Variants in PIK3CB observed in about 807,000 individuals in gnomAD.
The protein encoded by PIK3CB is phosphatidylinositol 4,5-bisphosphate 3-kinase catalytic subunit beta isoform.
A neutral mutation model predicts 136.8 loss-of-function variants in PIK3CB; 39 were observed. The ratio of observed to expected loss-of-function variants is 0.29; its 90% confidence interval spans 0.22 to 0.37. The LOEUF is 0.37. Among genes scored for constraint, PIK3CB ranks in the 10% least tolerant of loss-of-function variants. The probability of loss-of-function intolerance (pLI) is 1.00; values close to 1 mark genes in which losing one functional copy is unlikely to be tolerated. For synonymous variants in PIK3CB, 428 were observed against 436.6 expected, an observed-to-expected ratio of 0.98 and a Z score of 0.25; for missense variants, 868 against 1,275.4, an observed-to-expected ratio of 0.68 and a Z score of 4.87.
At chr3:138,821,373 G>A (rs185402427) in intron 1 of PIK3CB, among the ~76,000 whole-genome samples, 5 of 152,206 alleles carry the variant, frequency 3.3e-5, no homozygotes, top group Admixed American at 1.3e-4. Flanking sequence ...GGGAGGCTGC[G>A]GCGGGTGGCT....
chr3:138,738,886 C>T (rs1019803397), intron 5 of PIK3CB, among the ~76,000 whole-genome samples: 3 of 152,178 alleles, frequency 2.0e-5, no homozygotes, highest in South Asian at 2.1e-4. Flanking sequence ...TTAAATAAAT[C>T]ACTCCCCTGA....
At chr3:138,787,734 TA>T (rs1337583376) in intron 2 of PIK3CB, among the ~76,000 whole-genome samples, 1 of 150,170 alleles carries the variant, frequency 6.7e-6, no homozygotes. Flanking sequence ...TTTTTTTTTT[TA>T]AAGAAAGAAA....
intron 19 of PIK3CB, 49 bp from the exon 20 acceptor site, chr3:138,665,252 C>T: frequency 7.4e-7 from 1 of 1,357,606 alleles, no homozygotes; most frequent in Non-Finnish European, 9.9e-7. Context: ...TAAAATGAAA[C>T]ATTAATTTGG....
chr3:138,683,666 C>T lies in PIK3CB; in HGVS notation c.2425+12G>A, dbSNP rs1371674943. ...TTCTAAGAAATTTGATGTTAAAAAT[C>T]TCAGTACTTACCATCACCATTTTTA... On this transcript the variant is annotated intron_variant, in intron 18 of 23. Coordinates refer to ENST00000674063, the MANE Select transcript of PIK3CB (RefSeq NM_006219.3). 1 of 1,287,384 alleles carries T rather than the reference C, an allele frequency of 7.8e-7. No homozygotes were observed. The allele number at this position is 1,287,384 out of a possible 1,614,324, so 79.7% of individuals were successfully genotyped here. A position where few individuals can be genotyped will look rare whatever the true frequency, so the allele number is the denominator to read the frequency against.
At chr3:138,733,058 C>G (rs1329379555) in intron 8 of PIK3CB, among the ~76,000 whole-genome samples, 1 of 150,500 alleles carries the variant, frequency 6.6e-6, no homozygotes, top group Non-Finnish European at 1.5e-5. Flanking sequence ...CACAGTCTTA[C>G]CCATCTATAT....
chr3:138,694,334 C>A (rs538609828), intron 14 of PIK3CB, among the ~76,000 whole-genome samples: 81 of 152,178 alleles, frequency 5.3e-4, no homozygotes, highest in South Asian at 2.9e-3. Context: ...TAACAAGCTT[C>A]CCTTGCAGAC....
chr3:138,791,951 A>G (rs1056119616), intron 2 of PIK3CB, among the ~76,000 whole-genome samples: 1 of 152,182 alleles, frequency 6.6e-6, no homozygotes, highest in African/African-American at 2.4e-5. Flanking sequence ...ACCACCCAAC[A>G]TATTATATAG....
chr3:138,762,921 C>G (rs1027168939), intron 2 of PIK3CB, among the ~76,000 whole-genome samples: 36 of 151,656 alleles, frequency 2.4e-4, no homozygotes, highest in Admixed American at 9.9e-4. Context: ...GATTACACCA[C>G]TGCACTCCAG....
intron 8 of PIK3CB, among the ~76,000 whole-genome samples, chr3:138,718,388 T>G (rs1399354296): frequency 6.6e-6 from 1 of 152,216 alleles, no homozygotes; most frequent in East Asian, 1.9e-4. Context: ...CTTATAAATT[T>G]GTTTAAATTC....
intron 1 of PIK3CB, among the ~76,000 whole-genome samples, chr3:138,833,035 TA>T (rs1049698030): frequency 6.6e-6 from 1 of 151,014 alleles, no homozygotes; most frequent in Non-Finnish European, 1.5e-5. Flanking sequence ...AATTTTTTTT[TA>T]AAAAAGAAGC....
chr3:138,733,510 G>T, intron 7 of PIK3CB, 72 bp from the exon 8 acceptor site: 1 of 763,808 alleles, frequency 1.3e-6, no homozygotes, highest in Non-Finnish European at 2.2e-6. Flanking sequence ...CAATGCAATT[G>T]TCATCAGTTC....
At chr3:138,805,408 C>T (rs940093053) in intron 1 of PIK3CB, among the ~76,000 whole-genome samples, 3 of 151,716 alleles carry the variant, frequency 2.0e-5, no homozygotes, top group Non-Finnish European at 4.4e-5. Flanking sequence ...CGGTGGCTCA[C>T]GACTGTAATC....
chr3:138,707,252 A>T lies in PIK3CB; in HGVS notation c.1437T>A (p.Val479=), dbSNP rs775264131. The change falls in exon 11 of 24, where the codon GTT becomes GTA. Residue 479 remains valine, a synonymous_variant. Coordinates refer to ENST00000674063, the MANE Select transcript of PIK3CB (RefSeq NM_006219.3). The part of the protein sequence containing the change: ...LEEMLNPMGT[V]QTNPYTENAT... ...CATTTTCAGTATATGGATTTGTTTG[A>T]ACAGTTCCCATTGGATTCAACATTT... is the stretch of plus-strand genomic sequence containing the variant. 6.2e-7 allele frequency: 1 copy of T among 1,611,946 alleles called. No individual in the cohort carries two copies. Among genetic ancestry groups the T allele is most frequent in the South Asian group, 1.1e-5 (1 of 90,654 alleles).
chr3:138,772,290 AG>A (rs1246116454), intron 2 of PIK3CB, among the ~76,000 whole-genome samples: 1 of 152,176 alleles, frequency 6.6e-6, no homozygotes, highest in Non-Finnish European at 1.5e-5. Context: ...ACAGTTCAAA[AG>A]TAACTATAAA....
chr3:138,757,901 A>C (rs531403563), intron 3 of PIK3CB, among the ~76,000 whole-genome samples: 1 of 152,310 alleles, frequency 6.6e-6, no homozygotes, highest in South Asian at 2.1e-4. Context: ...CAACAATCAC[A>C]CTTCTAGGTA....
intron 12 of PIK3CB, among the ~76,000 whole-genome samples, chr3:138,700,742 GA>G (rs2044235049): frequency 1.3e-5 from 2 of 149,072 alleles, no homozygotes; most frequent in African/African-American, 5.0e-5. Flanking sequence ...TAGATAGATA[GA>G]TAGAGATAGA....
intron 12 of PIK3CB, among the ~76,000 whole-genome samples, chr3:138,702,922 T>C (rs1205650929): frequency 2.0e-5 from 3 of 152,156 alleles, no homozygotes; most frequent in African/African-American, 7.2e-5. Flanking sequence ...AAGGATCCTA[T>C]CACACCAGCC....
chr3:138,731,026 A>G (rs2044960902), intron 8 of PIK3CB, among the ~76,000 whole-genome samples: 1 of 152,226 alleles, frequency 6.6e-6, no homozygotes, highest in South Asian at 2.1e-4. Flanking sequence ...TAAAGTGAAT[A>G]AATCAAGTTA....
At chr3:138,747,020 C>A (rs1453161011) in intron 4 of PIK3CB, among the ~76,000 whole-genome samples, 1 of 120,298 alleles carries the variant, frequency 8.3e-6, no homozygotes, top group Non-Finnish European at 1.7e-5. Context: ...AGCTGCAGAC[C>A]TCCATCTACA....
Sources: gnomAD v4.1 joint callset for allele counts (sites outside exome capture counted in the v4.1 genomes callset) on GRCh38, gnomAD v4.1.1 for gene constraint, MANE v1.5 for transcripts, NCBI Gene and HGNC (gene_info 2026-07-23, HGNC 2026-07-21) for gene names.